Variants in LRRC8B observed in about 807,000 individuals in gnomAD.
The protein encoded by LRRC8B is volume-regulated anion channel subunit LRRC8B.
In LRRC8B, 23 loss-of-function variants were observed where a neutral mutation model predicts 58.8. The ratio of observed to expected loss-of-function variants is 0.39; its 90% CI spans 0.28 to 0.55. The LOEUF (loss-of-function observed/expected upper bound fraction) is 0.55. Ranked by LOEUF, LRRC8B falls within the 20% of genes least tolerant of loss-of-function variation. The pLI is 0.62. For synonymous variants in LRRC8B, 359 were observed against 374.1 expected, an observed-to-expected ratio of 0.96 and a Z score of 0.47; for missense variants, 694 against 936.0, an observed-to-expected ratio of 0.74 and a Z score of 3.37.
chr1:89,526,168 A>G (rs1287240300), intron 1 of LRRC8B, among the ~76,000 whole-genome samples: 2 of 152,192 alleles, frequency 1.3e-5, no homozygotes, highest in African/African-American at 2.4e-5. Context: ...AGTACCCTCT[A>G]TGTGTACAGG....
chr1:89,577,053 A>G (rs948417556), intron 3 of LRRC8B, among the ~76,000 whole-genome samples: 3 of 152,214 alleles, frequency 2.0e-5, no homozygotes, highest in African/African-American at 7.2e-5. Context: ...AATGGGAAGT[A>G]GCACTAAACA....
At chr1:89,587,288 A>G (rs181877661) in intron 5 of LRRC8B, among the ~76,000 whole-genome samples, 2 of 152,324 alleles carry the variant, frequency 1.3e-5, no homozygotes, top group Admixed American at 1.3e-4. Context: ...GAGTCTCATG[A>G]TTCTGAGTTA....
intron 1 of LRRC8B, among the ~76,000 whole-genome samples, chr1:89,526,293 C>T (rs1275071802): frequency 6.6e-6 from 1 of 152,222 alleles, no homozygotes; most frequent in Non-Finnish European, 1.5e-5. Flanking sequence ...CGGCTCACTG[C>T]AACCTCCACC....
intron 1 of LRRC8B, among the ~76,000 whole-genome samples, chr1:89,534,932 C>A (rs1434743395): frequency 6.6e-6 from 1 of 152,084 alleles, no homozygotes; most frequent in Non-Finnish European, 1.5e-5. Context: ...AAGTCTTTCA[C>A]TTTGTCAGTA....
chr1:89,583,650 C>A lies in LRRC8B; in HGVS notation c.1000C>A (p.Leu334Met). 6.2e-7 allele frequency: 1 copy of A among 1,613,676 alleles called. No individual in the cohort carries two copies. The highest frequency in any genetic ancestry group is 8.5e-7 in the Non-Finnish European group (1 of 1,180,032). ...ILYGLTSSYS[L>M]WWMLRSSLKQ... ...TTATGGTCTGACCTCTTCCTACAGC[C>A]TGTGGTGGATGCTGAGGAGTTCCCT... Residue 334 changes from leucine (L) to methionine (M), a missense_variant, in exon 5 of 6, where the codon CTG becomes ATG. Physicochemically the swap from Leu to Met is conservative, Grantham distance 15. Around this residue, in one of 5 missense-constraint regions of LRRC8B, gnomAD observed 316 missense variants for 403.8 expected, o/e 0.78. Transcript: ENST00000330947. The surrounding 1 kb of genome is among the most constrained non-coding windows in gnomAD (Gnocchi z 5.2).
chr1:89,583,880 G>A lies in LRRC8B; in HGVS notation c.1230G>A (p.Leu410=), dbSNP rs201389607. 1.3e-5 allele frequency: 21 copies of A among 1,614,182 alleles called. No individual in the cohort carries two copies. Among genetic ancestry groups the A allele is most frequent in the Non-Finnish European group, 1.8e-5 (21 of 1,180,020 alleles). Residue 410 remains leucine, a synonymous_variant, in exon 5 of 6, where the codon CTG becomes CTA. Transcript: ENST00000330947. The surrounding 1 kb of genome is among the most constrained non-coding windows in gnomAD (Gnocchi z 5.2). ...ATAATGAATGGACAGTTGAGAAACT[G>A]AAAAGTAAGCTTGTGAAAAATGCCC... ...NLNNEWTVEK[L]KSKLVKNAQD...
At chr1:89,586,096 T>C (rs1457630701) in intron 5 of LRRC8B, among the ~76,000 whole-genome samples, 1 of 152,208 alleles carries the variant, frequency 6.6e-6, no homozygotes, top group Non-Finnish European at 1.5e-5. Context: ...TATGAGATTT[T>C]AAAACTACAT....
intron 1 of LRRC8B, among the ~76,000 whole-genome samples, chr1:89,535,026 G>A (rs928307567): frequency 1.3e-5 from 2 of 151,976 alleles, no homozygotes; most frequent in African/African-American, 2.4e-5. Flanking sequence ...ACCATAAGTG[G>A]ACTCCTGAGA....
chr1:89,583,057 GC>G lies in LRRC8B; in HGVS notation c.408del (p.Ser136ArgfsTer43), dbSNP rs1266694872. 6.2e-7 allele frequency: 1 copy of G among 1,614,148 alleles called. No homozygotes were observed. On this transcript the variant is annotated frameshift_variant, in exon 5 of 6. Transcript: ENST00000330947. LOFTEE classifies it high-confidence loss of function. The surrounding 1 kb of genome is among the most constrained non-coding windows in gnomAD (Gnocchi z 5.2). Reference sequence around the variant, plus strand: ...CACACGCTCATCTTTGCAGCCTGCAGCAACTTTTGGCTTCACTACCCCAGTA... The same window carrying G: ...CACACGCTCATCTTTGCAGCCTGCAGAACTTTTGGCTTCACTACCCCAGTA... ...LLHTLIFAACSNFWLHYPSTS... is the reference protein window; with the variant it reads ...LLHTLIFAACXNFWLHYPSTS...
Position 89,595,290 on chromosome 1 carries a change from G to A in LRRC8B, c.*2247G>A, listed in dbSNP as rs541687788. The A allele has an allele frequency of 2.0e-5, 3 of 152,180 alleles. No homozygotes were observed. In the East Asian group the frequency reaches 5.8e-4, roughly 29 times the overall value. The allele number at this position is 152,180 out of a possible 1,614,324, so 9.4% of individuals were successfully genotyped here. A position where few individuals can be genotyped will look rare whatever the true frequency, so the allele number is the denominator to read the frequency against. On this transcript the variant is annotated 3_prime_UTR_variant, in exon 6 of 6. Transcript: ENST00000330947. ...CGTTGTTATTTTCATTTTTTAAAGT[G>A]TGAGTTGATGTTTATTTTAGTGTTT...
intron 5 of LRRC8B, among the ~76,000 whole-genome samples, chr1:89,586,071 C>T (rs1654603138): frequency 6.6e-6 from 1 of 152,134 alleles, no homozygotes; most frequent in Admixed American, 6.5e-5. Context: ...GAGACATCTT[C>T]AGATCTTAAA....
chr1:89,534,769 G>GT (rs1337502308), intron 1 of LRRC8B, among the ~76,000 whole-genome samples: 2 of 152,080 alleles, frequency 1.3e-5, no homozygotes, highest in African/African-American at 4.8e-5. Flanking sequence ...AAACCCCTGA[G>GT]TTATATGCCC....
At chr1:89,572,295 C>T (rs1200960232) in intron 3 of LRRC8B, among the ~76,000 whole-genome samples, 1 of 152,084 alleles carries the variant, frequency 6.6e-6, no homozygotes, top group East Asian at 1.9e-4. Context: ...TCATTTCAAC[C>T]TTAGATAATC....
chr1:89,569,138 C>T (rs1653245695), intron 3 of LRRC8B, among the ~76,000 whole-genome samples: 1 of 152,110 alleles, frequency 6.6e-6, no homozygotes, highest in African/African-American at 2.4e-5. Context: ...AAGTGTCACC[C>T]AGCTCTGAAC....
At chr1:89,558,179 T>C (rs1652332146) in intron 1 of LRRC8B, among the ~76,000 whole-genome samples, 1 of 152,142 alleles carries the variant, frequency 6.6e-6, no homozygotes, top group African/African-American at 2.4e-5. Context: ...AGCATCCTGT[T>C]GTCATGTTTG....
intron 1 of LRRC8B, among the ~76,000 whole-genome samples, chr1:89,565,379 C>T (rs1431685886): frequency 8.1e-6 from 1 of 123,256 alleles, no homozygotes; most frequent in Admixed American, 8.3e-5. Context: ...AAATGACTCT[C>T]AGTCATTATA....
At chr1:89,548,262 T>G (rs932155738) in intron 1 of LRRC8B, among the ~76,000 whole-genome samples, 1 of 152,220 alleles carries the variant, frequency 6.6e-6, no homozygotes, top group Non-Finnish European at 1.5e-5. Flanking sequence ...AAGTTTGAAG[T>G]TTTAATTTCA....
chr1:89,583,632 C>G lies in LRRC8B; in HGVS notation c.982C>G (p.Leu328Val). 1 of 1,613,076 alleles carries G rather than the reference C, an allele frequency of 6.2e-7. No homozygotes were observed. Among genetic ancestry groups the G allele is most frequent in the Non-Finnish European group, 8.5e-7 (1 of 1,180,034 alleles). Residue 328 changes from leucine to valine, a missense_variant, in exon 5 of 6, where the codon CTG becomes GTG. Around this residue, in one of 5 missense-constraint regions of LRRC8B, gnomAD observed 316 missense variants for 403.8 expected, o/e 0.78. Transcript: ENST00000330947. This position sits in a 1 kb window ranked among gnomAD's most constrained non-coding sequence, Gnocchi z 5.2. The stretch of plus-strand genomic sequence containing the variant: ...TGTCATTTTGGTTATACTTTATGGT[C>G]TGACCTCTTCCTACAGCCTGTGGTG... ...FYVILVILYG[L>V]TSSYSLWWML...
At chr1:89,532,264 C>T (rs917497663) in intron 1 of LRRC8B, among the ~76,000 whole-genome samples, 1 of 152,154 alleles carries the variant, frequency 6.6e-6, no homozygotes, top group African/African-American at 2.4e-5. Context: ...CCCCTCACCC[C>T]CACCAGAATA....
Sources: allele counts gnomAD v4.1 joint callset (sites outside exome capture counted in the v4.1 genomes callset), GRCh38; gene constraint gnomAD v4.1.1; regional missense constraint gnomAD v4.1.1; non-coding constraint Gnocchi (gnomAD v3.1); transcripts MANE v1.5; gene names NCBI Gene and HGNC (gene_info 2026-07-23, HGNC 2026-07-21).